ATP9A: variants seen among roughly 807,000 people sequenced by gnomAD.
ATP9A encodes probable phospholipid-transporting ATPase IIA.
In ATP9A, 52 loss-of-function variants were observed where a neutral mutation model predicts 144.1. The ratio of observed to expected loss-of-function variants is 0.36; its 90% CI spans 0.29 to 0.45. The LOEUF is 0.45. Ranked by LOEUF, ATP9A falls within the 20% of genes least tolerant of loss-of-function variation. The pLI is 1.00. For synonymous variants in ATP9A, 582 were observed against 557.4 expected (o/e 1.04, Z -0.62); for missense variants, 947 against 1,392.7 (o/e 0.68, Z 5.09).
rs912150905 is a variant in ATP9A at position 51,621,368 on chromosome 20, G to A, written c.2115+706C>T. On this transcript the variant is annotated intron_variant, in intron 19 of 27. Transcript: ENST00000338821. ...TCTGTGTGCTATGGACCAAAGGCGG[G>A]GTGAGGGCGAGACCCCCAAACATCT... Among the ~76,000 whole-genome samples, 9 of 152,130 alleles carry A rather than the reference G, an allele frequency of 5.9e-5. No individual in the cohort carries two copies. The South Asian group carries it at 1.7e-3, about 28-fold the overall frequency.
At position 51,628,968 on chromosome 20, in the gene ATP9A, C is replaced by T; in HGVS notation, c.1761+12G>A. The T allele has an allele frequency of 1.9e-6, 3 of 1,609,180 alleles. No homozygotes were observed. The highest frequency in any genetic ancestry group is 1.3e-5 in the African/African-American group (1 of 74,952). On this transcript the variant is annotated intron_variant, in intron 16 of 27. Coordinates refer to ENST00000338821, the MANE Select transcript of ATP9A (RefSeq NM_006045.3). ...TTCCAAGGCCTGGTTTAACTTCCTG[C>T]ATCACACTTACCTCTTCCTCCAACC... is the stretch of plus-strand genomic sequence containing the variant.
At chr20:51,731,997 G>C (rs758262476) in intron 1 of ATP9A, among the ~76,000 whole-genome samples, 2 of 152,108 alleles carry the variant, frequency 1.3e-5, no homozygotes, top group Non-Finnish European at 2.9e-5. Flanking sequence ...ATAACCTGGA[G>C]AGAAGCCAGC....
chr20:51,723,703 C>T (rs946128429), intron 3 of ATP9A, among the ~76,000 whole-genome samples: 3 of 150,882 alleles, frequency 2.0e-5, no homozygotes, highest in African/African-American at 7.3e-5. Context: ...ACTACAGGTG[C>T]ATGCCACCAA....
At chr20:51,686,867 G>A (rs938459696) in intron 9 of ATP9A, among the ~76,000 whole-genome samples, 7 of 151,980 alleles carry the variant, frequency 4.6e-5, no homozygotes, top group Middle Eastern at 3.4e-3. Flanking sequence ...CCTGGGAGGC[G>A]GAGGTTGCAG....
At chr20:51,620,907 G>A (rs928147078) in intron 19 of ATP9A, among the ~76,000 whole-genome samples, 4 of 152,186 alleles carry the variant, frequency 2.6e-5, no homozygotes, top group African/African-American at 9.6e-5. Flanking sequence ...CAGCACTTTG[G>A]GAGGCTGAAG....
At chr20:51,700,443 G>A (rs1032370166) in intron 4 of ATP9A, among the ~76,000 whole-genome samples, 2 of 152,136 alleles carry the variant, frequency 1.3e-5, no homozygotes, top group Admixed American at 1.3e-4. Context: ...GAATGCTTGA[G>A]CCCAGGCGAC....
chr20:51,710,397 A>C (rs936813314), intron 4 of ATP9A, among the ~76,000 whole-genome samples: 1 of 152,218 alleles, frequency 6.6e-6, no homozygotes, highest in African/African-American at 2.4e-5. Context: ...GGAACTTACT[A>C]AGTGAAGATG....
rs2077213426 is a variant in ATP9A at position 51,618,701 on chromosome 20, G to A, written c.2311C>T (p.Leu771=). The change falls in exon 21 of 28, where the codon CTG becomes TTG. Residue 771 remains leucine (L), a synonymous_variant. Coordinates refer to ENST00000338821, the MANE Select transcript of ATP9A (RefSeq NM_006045.3). ...APTQKAQIVR[L]LQERTGKLTC... ...AGCTTGCCCGTGCGCTCCTGAAGCA[G>A]GCGCACGATCTGGGCCTTCTGGGTG... 1 of 1,613,576 alleles carries A rather than the reference G, an allele frequency of 6.2e-7. No individual in the cohort carries two copies. The highest frequency in any genetic ancestry group is 1.1e-5 in the South Asian group (1 of 91,036).
intron 9 of ATP9A, among the ~76,000 whole-genome samples, chr20:51,676,851 A>G (rs573513276): frequency 6.6e-6 from 1 of 150,542 alleles, no homozygotes; most frequent in African/African-American, 2.4e-5. Flanking sequence ...CCTGACTTCA[A>G]CTGATCCATC....
intron 13 of ATP9A, among the ~76,000 whole-genome samples, chr20:51,659,576 A>G (rs2077402881): frequency 6.6e-6 from 1 of 152,162 alleles, no homozygotes; most frequent in South Asian, 2.1e-4. Flanking sequence ...TCCACAGCCA[A>G]CTGAATTGTG....
chr20:51,677,397 C>T (rs2077482024), intron 9 of ATP9A, among the ~76,000 whole-genome samples: 1 of 152,144 alleles, frequency 6.6e-6, no homozygotes, highest in Non-Finnish European at 1.5e-5. Flanking sequence ...TGTTTCATGG[C>T]CATATAAGCT....
At chr20:51,626,855 G>A (rs1325426224) in intron 17 of ATP9A, among the ~76,000 whole-genome samples, 2 of 152,052 alleles carry the variant, frequency 1.3e-5, no homozygotes, top group Non-Finnish European at 2.9e-5. Context: ...TCAGGAGTTC[G>A]AGACCAGCCT....
At chr20:51,739,889 A>C (rs989699248) in intron 1 of ATP9A, among the ~76,000 whole-genome samples, 14 of 152,298 alleles carry the variant, frequency 9.2e-5, no homozygotes, top group African/African-American at 3.1e-4. Context: ...CCATTGAGGG[A>C]CTAGTCGGCC....
At chr20:51,756,368 G>A (rs1253417543) in intron 1 of ATP9A, among the ~76,000 whole-genome samples, 1 of 151,354 alleles carries the variant, frequency 6.6e-6, no homozygotes, top group African/African-American at 2.4e-5. Context: ...TTGGCTCACT[G>A]CAACCTCCGC....
intron 5 of ATP9A, among the ~76,000 whole-genome samples, chr20:51,697,084 G>A (rs2077573545): frequency 6.6e-6 from 1 of 152,178 alleles, no homozygotes; most frequent in African/African-American, 2.4e-5. Context: ...AATATTTTAA[G>A]TGTCTATGTA....
rs933429101 is a variant in ATP9A, at chr20:51,751,830, C to T, written c.68+16472G>A. ...GTCTCGATCTCCTGACCTCGTGATC[C>T]GCCCGCCTCGGCCTCCCAAAGTGCT... On this transcript the variant is annotated intron_variant, in intron 1 of 27. Transcript: ENST00000338821. Among the ~76,000 whole-genome samples the T allele has an allele frequency of 1.3e-3, 202 of 152,176 alleles. 1 individual carries two copies. Among genetic ancestry groups the T allele is most frequent in the African/African-American group, 4.6e-3 (192 of 41,540 alleles).
chr20:51,681,686 T>C (rs1487417274), intron 9 of ATP9A, among the ~76,000 whole-genome samples: 1 of 152,128 alleles, frequency 6.6e-6, no homozygotes, highest in African/African-American at 2.4e-5. Context: ...CCTCCCAAAG[T>C]GCTGGGATTA....
chr20:51,700,549 C>G (rs548990991), intron 4 of ATP9A, among the ~76,000 whole-genome samples: 1 of 152,070 alleles, frequency 6.6e-6, no homozygotes, highest in South Asian at 2.1e-4. Flanking sequence ...AAAGAGAGAG[C>G]GCCGGGCATG....
chr20:51,741,897 C>T (rs2077786859), intron 1 of ATP9A, among the ~76,000 whole-genome samples: 1 of 152,230 alleles, frequency 6.6e-6, no homozygotes, highest in African/African-American at 2.4e-5. Flanking sequence ...CCTTACAATG[C>T]ACAGACAACC....
Sources: allele counts gnomAD v4.1 joint callset (sites outside exome capture counted in the v4.1 genomes callset), GRCh38; gene constraint gnomAD v4.1.1; transcripts MANE v1.5; gene names NCBI Gene and HGNC (gene_info 2026-07-23, HGNC 2026-07-21).